IGF1R: variants seen among roughly 807,000 people sequenced by gnomAD.
IGF1R encodes the protein insulin like growth factor 1 receptor.
A neutral mutation model predicts 144.6 loss-of-function variants in IGF1R; 44 were observed. That is an observed-to-expected ratio of 0.30 (90% CI 0.24 to 0.39). The LOEUF is 0.39. Ranked by LOEUF, IGF1R falls within the 10% of genes least tolerant of loss-of-function variation. The probability of loss-of-function intolerance (pLI) is 1.00; values close to 1 mark genes in which losing one functional copy is unlikely to be tolerated. For missense variants in IGF1R, 1,355 were observed against 1,833.7 expected (o/e 0.74, Z 4.77); for synonymous variants, 795 against 722.8 (o/e 1.10, Z -1.60).
At position 98,948,622 on chromosome 15, in the gene IGF1R, C is replaced by T. The variant is rs1158747066; in HGVS notation, c.3636C>T (p.Pro1212=). Residue 1212 remains proline (P), a synonymous_variant, in exon 20 of 21, where the codon CCC becomes CCT. Coordinates refer to ENST00000650285, the MANE Select transcript of IGF1R (RefSeq NM_000875.5). ...LWEIATLAEQ[P]YQGLSNEQVL... is the part of the protein sequence containing the mutation. ...AGATCGCCACACTGGCCGAGCAGCC[C>T]TACCAGGGCTTGTCCAACGAGCAAG... is the stretch of plus-strand genomic sequence containing the variant. The T allele has an allele frequency of 1.9e-6, 3 of 1,614,054 alleles. No homozygotes were observed. The African/African-American group carries it at 4.0e-5, about 22-fold the overall frequency.
intron 2 of IGF1R, among the ~76,000 whole-genome samples, chr15:98,832,169 T>C (rs533742119): frequency 1.3e-5 from 2 of 152,304 alleles, no homozygotes; most frequent in South Asian, 4.1e-4. Context: ...GTCCCTCTAC[T>C]TCTATGTAAT....
intron 2 of IGF1R, among the ~76,000 whole-genome samples, chr15:98,866,721 G>C (rs906985198): frequency 2.0e-5 from 3 of 152,164 alleles, no homozygotes; most frequent in Non-Finnish European, 2.9e-5. Context: ...AGCGCTGGCG[G>C]TCGTTTCGGC....
At chr15:98,672,578 A>G (rs2052923074) in intron 1 of IGF1R, among the ~76,000 whole-genome samples, 1 of 151,848 alleles carries the variant, frequency 6.6e-6, no homozygotes, top group South Asian at 2.1e-4. Flanking sequence ...TCAAAAAAAA[A>G]AAAAAAAAAA....
rs943765458 is a variant in IGF1R at position 98,962,840 on chromosome 15, T to G, written c.*5398T>G. 1 of 233,612 alleles carries G rather than the reference T, an allele frequency of 4.3e-6. No individual in the cohort carries two copies. The highest frequency in any genetic ancestry group is 2.2e-5 in the African/African-American group (1 of 45,344). 14.5% of individuals were successfully genotyped at this position (233,612 alleles called of 1,614,324 possible). A position where few individuals can be genotyped will look rare whatever the true frequency, so the allele number is the denominator to read the frequency against. ...CTACTCTGGAAACTGATCTCGGAGT[T>G]AAGGCGAATTGTTCAAGAACACAAA... On this transcript the variant is annotated 3_prime_UTR_variant, in exon 21 of 21. Transcript: ENST00000650285.
At chr15:98,927,386 C>T (rs1024058996) in intron 13 of IGF1R, among the ~76,000 whole-genome samples, 2 of 152,204 alleles carry the variant, frequency 1.3e-5, no homozygotes, top group Non-Finnish European at 2.9e-5. Flanking sequence ...TAAATTACTC[C>T]TCAGACTTCT....
chr15:98,818,084 A>G (rs73479756), intron 2 of IGF1R, among the ~76,000 whole-genome samples: 5,325 of 152,308 alleles, frequency 0.035, 315 homozygotes, highest in African/African-American at 0.12. Flanking sequence ...GATTAAGGAC[A>G]TTAATCCAAT....
intron 2 of IGF1R, among the ~76,000 whole-genome samples, chr15:98,777,341 C>T (rs746118368): frequency 2.6e-5 from 4 of 152,216 alleles, no homozygotes; most frequent in African/African-American, 7.2e-5. Context: ...AAAGTTGAGA[C>T]GCTGTTTGTT....
chr15:98,681,325 C>T (rs2053184173), intron 1 of IGF1R, among the ~76,000 whole-genome samples: 1 of 152,112 alleles, frequency 6.6e-6, no homozygotes, highest in Non-Finnish European at 1.5e-5. Flanking sequence ...TTGTTCAGTT[C>T]TTGCTTCTCT....
At chr15:98,787,642 C>A (rs2056029554) in intron 2 of IGF1R, among the ~76,000 whole-genome samples, 3 of 151,290 alleles carry the variant, frequency 2.0e-5, no homozygotes, top group Admixed American at 1.3e-4. Context: ...AAAACAGAGA[C>A]CTCTCACCCT....
At chr15:98,887,293 G>A (rs2013686550) in intron 2 of IGF1R, among the ~76,000 whole-genome samples, 1 of 151,524 alleles carries the variant, frequency 6.6e-6, no homozygotes, top group Non-Finnish European at 1.5e-5. Context: ...TGGGAAATGC[G>A]GAATATATCT....
At chr15:98,868,344 A>AAAAAAAAAAAAAAAG (rs1555454784) in intron 2 of IGF1R, among the ~76,000 whole-genome samples, 1 of 132,802 alleles carries the variant, frequency 7.5e-6, no homozygotes, top group African/African-American at 2.7e-5. Flanking sequence ...AAAAAAAAAA[A>AAAAAAAAAAAAAAAG]GCCAAATCTG....
chr15:98,867,213 T>G (rs1478399032), intron 2 of IGF1R, among the ~76,000 whole-genome samples: 2 of 151,794 alleles, frequency 1.3e-5, no homozygotes, highest in Non-Finnish European at 2.9e-5. Flanking sequence ...ACTTTAGGAA[T>G]AGATGATCCG....
intron 2 of IGF1R, among the ~76,000 whole-genome samples, chr15:98,752,293 C>T (rs1219895549): frequency 6.6e-6 from 1 of 152,178 alleles, no homozygotes; most frequent in African/African-American, 2.4e-5. Context: ...TGTGAGAGCT[C>T]AGGGCATGTG....
intron 2 of IGF1R, among the ~76,000 whole-genome samples, chr15:98,768,738 T>TTTAGTA (rs1374303644): frequency 4.4e-4 from 42 of 94,946 alleles, no homozygotes; most frequent in African/African-American, 1.6e-3. Flanking sequence ...GCTAACACGG[T>TTTAGTA]GAAACCCCGT....
rs2017228275 is a variant in IGF1R at position 98,961,570 on chromosome 15, G to C, written c.*4128G>C. 4.3e-6 allele frequency: 1 copy of C among 233,598 alleles called. No homozygotes were observed. Among genetic ancestry groups the C allele is most frequent in the South Asian group, 1.8e-4 (1 of 5,534 alleles). The allele number at this position is 233,598 out of a possible 1,614,324, so 14.5% of individuals were successfully genotyped here. A position where few individuals can be genotyped will look rare whatever the true frequency, so the allele number is the denominator to read the frequency against. On this transcript the variant is annotated 3_prime_UTR_variant, in exon 21 of 21. Transcript: ENST00000650285. ...TGTGTTCCAAATAATCTTAAGCTGA[G>C]TTGTGGCATTTTCCATGCAACCTCC...
At chr15:98,763,822 G>T (rs763264533) in intron 2 of IGF1R, among the ~76,000 whole-genome samples, 1 of 152,180 alleles carries the variant, frequency 6.6e-6, no homozygotes. Flanking sequence ...GCTTGTAGAT[G>T]TCACATACTT....
chr15:98,736,672 C>CATG (rs1567102343), intron 2 of IGF1R, among the ~76,000 whole-genome samples: 1 of 146,650 alleles, frequency 6.8e-6, no homozygotes. Context: ...AGTGGAGTGG[C>CATG]ATGATCTCGG....
At chr15:98,690,068 A>G (rs2053437980) in intron 1 of IGF1R, among the ~76,000 whole-genome samples, 1 of 152,232 alleles carries the variant, frequency 6.6e-6, no homozygotes, top group Non-Finnish European at 1.5e-5. Context: ...TTGGCTGGGC[A>G]TGGTGGCTCA....
chr15:98,925,611 A>G (rs2015683808), intron 13 of IGF1R, among the ~76,000 whole-genome samples: 1 of 152,200 alleles, frequency 6.6e-6, no homozygotes. Flanking sequence ...TTACGTTAAA[A>G]CATGCACTCC....
Sources: gnomAD v4.1 joint callset for allele counts (sites outside exome capture counted in the v4.1 genomes callset) on GRCh38, gnomAD v4.1.1 for gene constraint, MANE v1.5 for transcripts, NCBI Gene and HGNC (gene_info 2026-07-23, HGNC 2026-07-21) for gene names.